Variants in CCDC81 observed in about 807,000 individuals in gnomAD.
CCDC81 encodes coiled-coil domain-containing protein 81.
CCDC81 carries 79 observed loss-of-function variants against 83.7 expected under a neutral mutation model. The ratio of observed to expected loss-of-function variants is 0.94; its 90% confidence interval spans 0.79 to 1.14. CCDC81 has a LOEUF of 1.14. CCDC81 is among the 50% of genes most tolerant of loss of function. CCDC81 has a pLI of 0.00. For missense variants in CCDC81, 791 were observed against 778.1 expected (o/e 1.02, Z -0.20); for synonymous variants, 252 against 278.1 (o/e 0.91, Z 0.93).
At position 86,375,163 on chromosome 11, in the gene CCDC81, G is replaced by A; in HGVS notation, c.-1G>A. 2 of 1,613,438 alleles carry A rather than the reference G, an allele frequency of 1.2e-6. No homozygotes were observed. The highest frequency in any genetic ancestry group is 2.7e-5 in the African/African-American group (2 of 75,018). The stretch of plus-strand genomic sequence containing the variant: ...AGTACGGAGTCACCTGGAAATTGGA[G>A]ATGTTGGATACGATCGCCCGTGCCC... On this transcript the variant is annotated 5_prime_UTR_variant, in exon 1 of 15. Coordinates refer to ENST00000445632, the MANE Select transcript of CCDC81 (RefSeq NM_001156474.2).
intron 1 of CCDC81, among the ~76,000 whole-genome samples, chr11:86,377,917 G>A (rs918990500): frequency 2.9e-4 from 40 of 135,606 alleles, no homozygotes; most frequent in African/African-American, 1.0e-3. Context: ...TTAGGTCTAT[G>A]ATCCATTTTA....
At position 86,375,005 on chromosome 11, in the gene CCDC81, G is replaced by T; in HGVS notation, c.-159G>T. 1.4e-6 allele frequency: 1 copy of T among 728,400 alleles called. No homozygotes were observed. The highest frequency in any genetic ancestry group is 2.5e-6 in the Non-Finnish European group (1 of 403,130). The allele number at this position is 728,400 out of a possible 1,614,324, so 45.1% of individuals were successfully genotyped here. A position where few individuals can be genotyped will look rare whatever the true frequency, so the allele number is the denominator to read the frequency against. Reference sequence around the variant, plus strand: ...GTTTATTTAAGAAAGAAGAAAAAGAGTCAAGAAGTTCAAGATTTTCGTCAC... The same window carrying T: ...GTTTATTTAAGAAAGAAGAAAAAGATTCAAGAAGTTCAAGATTTTCGTCAC... On this transcript the variant is annotated 5_prime_UTR_variant, in exon 1 of 15. Coordinates refer to ENST00000445632, the MANE Select transcript of CCDC81 (RefSeq NM_001156474.2).
chr11:86,398,902 C>T (rs1948445554), intron 6 of CCDC81, among the ~76,000 whole-genome samples: 1 of 152,114 alleles, frequency 6.6e-6, no homozygotes, highest in Non-Finnish European at 1.5e-5. Context: ...CCTAGGGACC[C>T]CAAAAAGTAT....
At chr11:86,415,010 G>A in intron 12 of CCDC81, 83 bp from the exon 13 acceptor site, 3 of 1,487,328 alleles carry the variant, frequency 2.0e-6, no homozygotes, top group Admixed American at 1.8e-5. Context: ...TAAGATGCTG[G>A]TATTTTACCA....
Position 86,387,520 on chromosome 11 carries a change from T to C in CCDC81, c.146T>C (p.Val49Ala), listed in dbSNP as rs1948259768. 1 of 1,613,882 alleles carries C rather than the reference T, an allele frequency of 6.2e-7. No individual in the cohort carries two copies. Residue 49 changes from valine (V) to alanine (A), a missense_variant, in exon 3 of 15, where the codon GTT becomes GCT. Coordinates refer to ENST00000445632, the MANE Select transcript of CCDC81 (RefSeq NM_001156474.2). The stretch of plus-strand genomic sequence containing the variant: ...TGTTTTGTTTTTTCCTTTCAGGGGG[T>C]TCAGATTCCAGCATTTGGAACTTTC... ...VRRQLTLHKG[V>A]QIPAFGTFTF... is the part of the protein sequence containing the mutation.
intron 1 of CCDC81, among the ~76,000 whole-genome samples, chr11:86,380,042 CTTTTT>C (rs34548401): frequency 1.4e-5 from 2 of 144,646 alleles, no homozygotes; most frequent in Non-Finnish European, 1.5e-5. Flanking sequence ...ATGGTCTTCC[CTTTTT>C]TTTTTTTTTT....
chr11:86,403,620 C>A (rs1948523503), intron 7 of CCDC81, among the ~76,000 whole-genome samples: 1 of 152,170 alleles, frequency 6.6e-6, no homozygotes, highest in African/African-American at 2.4e-5. Flanking sequence ...CTGTTTCCAA[C>A]AAATGACCCT....
chr11:86,418,740 T>C (rs1166912884), intron 13 of CCDC81, among the ~76,000 whole-genome samples: 2 of 152,210 alleles, frequency 1.3e-5, no homozygotes, highest in South Asian at 2.1e-4. Flanking sequence ...GGGAGTTGTT[T>C]AATGGGTGTA....
At chr11:86,422,300 G>A (rs1200987899) in intron 14 of CCDC81, among the ~76,000 whole-genome samples, 3 of 152,116 alleles carry the variant, frequency 2.0e-5, no homozygotes, top group Non-Finnish European at 2.9e-5. Context: ...TGTGACCTTC[G>A]GCAAGTTCTC....
In CCDC81 at chr11:86,392,548, C is replaced by A. The variant is rs550061412; in HGVS notation, c.306C>A (p.Ile102=). The A allele has an allele frequency of 5.8e-6, 9 of 1,550,582 alleles. No individual in the cohort carries two copies. The Admixed American group carries it at 1.8e-4, about 30-fold the overall frequency. The part of the protein sequence containing the change: ...KQNKVYTPGE[I]PIVPLNFVMI... Reference sequence around the variant, plus strand: ...CTGTCTTTTCTCCTTTAGGTGAAATCCCAATTGTTCCACTTAATTTTGTCA... The same window carrying A: ...CTGTCTTTTCTCCTTTAGGTGAAATACCAATTGTTCCACTTAATTTTGTCA... Residue 102 remains isoleucine, a synonymous_variant, in exon 4 of 15, where the codon ATC becomes ATA. Transcript: ENST00000445632.
chr11:86,379,456 C>T (rs1056016099), intron 1 of CCDC81, among the ~76,000 whole-genome samples: 2 of 152,116 alleles, frequency 1.3e-5, no homozygotes, highest in African/African-American at 4.8e-5. Flanking sequence ...TATTTACAGT[C>T]AATTCAAGTC....
intron 13 of CCDC81, 112 bp from the exon 14 acceptor site, chr11:86,419,816 T>A: frequency 9.3e-7 from 1 of 1,078,290 alleles, no homozygotes; most frequent in Non-Finnish European, 1.3e-6. Context: ...TATTTCAGAG[T>A]AGTGAACAAA....
intron 1 of CCDC81, among the ~76,000 whole-genome samples, chr11:86,384,558 C>G (rs936540042): frequency 6.6e-6 from 1 of 152,266 alleles, no homozygotes; most frequent in Non-Finnish European, 1.5e-5. Flanking sequence ...ATATTTATAA[C>G]TCTGATATAC....
At chr11:86,418,931 T>C (rs1948754816) in intron 13 of CCDC81, 1 of 152,210 alleles carries the variant, frequency 6.6e-6, no homozygotes, top group South Asian at 2.1e-4. Flanking sequence ...TAATAGGTAC[T>C]CTTCAGTCAT....
intron 4 of CCDC81, among the ~76,000 whole-genome samples, chr11:86,393,361 C>T (rs185135457): frequency 6.6e-5 from 10 of 152,232 alleles, no homozygotes; most frequent in South Asian, 4.2e-4. Context: ...CCATGCCTGG[C>T]GTATGGTTTA....
Position 86,386,092 on chromosome 11 carries a change from C to A in CCDC81, c.121C>A (p.Arg41=). 2 of 1,488,738 alleles carry A rather than the reference C, an allele frequency of 1.3e-6. No homozygotes were observed. The highest frequency in any genetic ancestry group is 9.1e-7 in the Non-Finnish European group (1 of 1,096,264). The allele number at this position is 1,488,738 out of a possible 1,614,324, so 92.2% of individuals were successfully genotyped here. ...GGGGAATGTATCAGAATTTGTGAGA[C>A]GGCAGTTAACCCTGCACAAGGTAAG... ...IWGNVSEFVR[R]QLTLHKGVQI... Residue 41 remains arginine, a synonymous_variant, in exon 2 of 15, where the codon CGG becomes AGG. Transcript: ENST00000445632.
At chr11:86,398,010 T>C (rs1384361321) in intron 6 of CCDC81, among the ~76,000 whole-genome samples, 2 of 152,050 alleles carry the variant, frequency 1.3e-5, no homozygotes, top group Admixed American at 1.3e-4. Flanking sequence ...CCACCATGCC[T>C]GGTTAATTTC....
intron 4 of CCDC81, 166 bp from the exon 5 acceptor site, chr11:86,395,168 G>A: frequency 1.9e-6 from 1 of 521,872 alleles, no homozygotes; most frequent in Non-Finnish European, 3.4e-6. Flanking sequence ...TCTGATGAAT[G>A]AGATCATTCC....
In CCDC81 at chr11:86,422,781, G is replaced by A. The variant is rs573501851; in HGVS notation, c.*66G>A. 1.4e-6 allele frequency: 2 copies of A among 1,457,770 alleles called. No homozygotes were observed. Among genetic ancestry groups the A allele is most frequent in the East Asian group, 2.3e-5 (1 of 43,252 alleles). The allele number at this position is 1,457,770 out of a possible 1,614,324, so 90.3% of individuals were successfully genotyped here. A position where few individuals can be genotyped will look rare whatever the true frequency, so the allele number is the denominator to read the frequency against. On this transcript the variant is annotated 3_prime_UTR_variant, in exon 15 of 15. Transcript: ENST00000445632. ...ATCTTTTACATGTTTGGGGGTGATT[G>A]TGAAACTGCGTATTTTTACCTCAGA...
Sources: allele counts gnomAD v4.1 joint callset (sites outside exome capture counted in the v4.1 genomes callset), GRCh38; gene constraint gnomAD v4.1.1; transcripts MANE v1.5; gene names NCBI Gene and HGNC (gene_info 2026-07-23, HGNC 2026-07-21).